TRHDE: variants seen among roughly 807,000 people sequenced by gnomAD.
TRHDE encodes thyrotropin-releasing hormone-degrading ectoenzyme.
TRHDE carries 72 observed loss-of-function variants against 125.7 expected under a neutral mutation model. The ratio of observed to expected loss-of-function variants is 0.57; its 90% confidence interval spans 0.47 to 0.70. The LOEUF is 0.70. Ranked by LOEUF, TRHDE falls within the 30% of genes least tolerant of loss-of-function variation. The pLI is 0.00. For synonymous variants in TRHDE, 509 were observed against 509.1 expected, an observed-to-expected ratio of 1.00 and a Z score of 0.00; for missense variants, 1,110 against 1,327.1, an observed-to-expected ratio of 0.84 and a Z score of 2.54.
At chr12:72,615,927 A>G (rs116723933) in intron 12 of TRHDE, among the ~76,000 whole-genome samples, 1,660 of 152,216 alleles carry the variant, frequency 0.011, 30 homozygotes, top group African/African-American at 0.038. Flanking sequence ...AACATAAAAT[A>G]GCTAATGGGA....
intron 2 of TRHDE, among the ~76,000 whole-genome samples, chr12:72,120,764 C>T (rs569844818): frequency 6.6e-5 from 10 of 151,072 alleles, no homozygotes; most frequent in East Asian, 3.9e-4. Flanking sequence ...CTGCAACCTC[C>T]GCCTCCTGGG....
chr12:72,651,098 A>G (rs1874487662), intron 15 of TRHDE, among the ~76,000 whole-genome samples: 1 of 152,138 alleles, frequency 6.6e-6, no homozygotes, highest in African/African-American at 2.4e-5. Flanking sequence ...ATCAAACAAA[A>G]TGTTTTCTAA....
At chr12:72,306,574 T>G in intron 2 of TRHDE, 1 of 152,182 alleles carries the variant, frequency 6.6e-6, no homozygotes, top group East Asian at 1.9e-4. Context: ...TAAGGATTCT[T>G]ATCTGTGTAG....
intron 2 of TRHDE, among the ~76,000 whole-genome samples, chr12:72,290,673 G>T (rs576500684): frequency 6.6e-6 from 1 of 152,184 alleles, no homozygotes; most frequent in Non-Finnish European, 1.5e-5. Flanking sequence ...TGGTGGTTGT[G>T]TCATCAGTCT....
chr12:72,356,168 G>C lies in TRHDE; in HGVS notation c.1189-21827G>C, dbSNP rs73342658. 1.4e-3 allele frequency among the ~76,000 whole-genome samples: 216 copies of C among 151,924 alleles called. 2 individuals carry two copies. Among genetic ancestry groups the C allele is most frequent in the African/African-American group, 5.1e-3 (212 of 41,520 alleles). The stretch of plus-strand genomic sequence containing the variant: ...GCCCATCAATAGTATACTGGATAGA[G>C]AGAATGTAGTACATACACACTATGG... On this transcript the variant is annotated intron_variant, in intron 2 of 18. Coordinates refer to ENST00000261180, the MANE Select transcript of TRHDE (RefSeq NM_013381.3).
In TRHDE at chr12:72,272,748, C is replaced by G. The variant is rs367943395; in HGVS notation, c.105C>G (p.Ala35=). Residue 35 remains alanine (A), a synonymous_variant, in exon 1 of 19, where the codon GCC becomes GCG. Coordinates refer to ENST00000261180, the MANE Select transcript of TRHDE (RefSeq NM_013381.3). The surrounding 1 kb of genome is among the most constrained non-coding windows in gnomAD (Gnocchi z 6.7). The part of the protein sequence containing the change: ...KKEEEEEEEG[A]EKSSSPFAAA... ...AGGAGGAGGAGGAGGAGGAGGGGGC[C>G]GAGAAGAGCAGCTCACCCTTCGCAG... The G allele has an allele frequency of 6.1e-6, 9 of 1,476,368 alleles. No individual in the cohort carries two copies. Among genetic ancestry groups the G allele is most frequent in the Non-Finnish European group, 8.1e-6 (9 of 1,111,442 alleles). 91.5% of individuals were successfully genotyped at this position (1,476,368 alleles called of 1,614,324 possible).
At chr12:72,571,417 A>C (rs1870726478) in intron 10 of TRHDE, among the ~76,000 whole-genome samples, 1 of 152,216 alleles carries the variant, frequency 6.6e-6, no homozygotes. Context: ...AGTGGTGGAT[A>C]ATATAAAGTA....
chr12:72,535,247 T>G (rs2135980176), intron 6 of TRHDE, among the ~76,000 whole-genome samples: 1 of 152,262 alleles, frequency 6.6e-6, no homozygotes, highest in African/African-American at 2.4e-5. Flanking sequence ...GTTCTAATTG[T>G]AGATACTTAG....
At chr12:72,618,671 T>G (rs559701011) in intron 12 of TRHDE, among the ~76,000 whole-genome samples, 1 of 152,268 alleles carries the variant, frequency 6.6e-6, no homozygotes, top group East Asian at 1.9e-4. Context: ...GTTCTGATGT[T>G]TTTGTATTCG....
intron 3 of TRHDE, among the ~76,000 whole-genome samples, chr12:72,445,401 A>T (rs1049862192): frequency 1.3e-5 from 2 of 151,776 alleles, no homozygotes; most frequent in African/African-American, 4.8e-5. Context: ...TCATTTTGAG[A>T]TTGATTGCTT....
chr12:72,524,212 T>C (rs1868295862), intron 6 of TRHDE, among the ~76,000 whole-genome samples: 1 of 152,140 alleles, frequency 6.6e-6, no homozygotes. Context: ...CATTTTATCC[T>C]CTCCGTAAAC....
chr12:72,519,041 G>T (rs1879036493), intron 6 of TRHDE, among the ~76,000 whole-genome samples: 1 of 152,182 alleles, frequency 6.6e-6, no homozygotes, highest in African/African-American at 2.4e-5. Context: ...GCTTCCCTTT[G>T]TGGGTAACCC....
intron 2 of TRHDE, among the ~76,000 whole-genome samples, chr12:72,187,526 G>A (rs942934736): frequency 3.3e-5 from 5 of 150,748 alleles, no homozygotes; most frequent in South Asian, 2.1e-4. Context: ...GGAGGAGGAG[G>A]AGGAGGAGGA....
intron 2 of TRHDE, among the ~76,000 whole-genome samples, chr12:72,261,959 A>G (rs1304615519): frequency 6.6e-6 from 1 of 152,192 alleles, no homozygotes; most frequent in South Asian, 2.1e-4. Flanking sequence ...AAAATTTAAT[A>G]AAGTCAGTTC....
At chr12:72,319,563 TTATCTTTCTC>T (rs1451077619) in intron 2 of TRHDE, among the ~76,000 whole-genome samples, 25 of 152,270 alleles carry the variant, frequency 1.6e-4, no homozygotes, top group East Asian at 7.7e-4. Context: ...GGTGGTAACT[TTATCTTTCTC>T]TATCTTTCTC....
At chr12:72,153,425 T>G (rs1876419530) in intron 2 of TRHDE, among the ~76,000 whole-genome samples, 1 of 152,224 alleles carries the variant, frequency 6.6e-6, no homozygotes, top group Non-Finnish European at 1.5e-5. Context: ...AGTTATTTCT[T>G]GCCTTCTGCT....
At position 72,223,926 on chromosome 12, in the gene TRHDE, C is replaced by CT. The variant is rs750916154; in HGVS notation, n.279+118185dup. Among the ~76,000 whole-genome samples, 729 of 147,090 alleles carry CT rather than the reference C, an allele frequency of 5.0e-3. 6 individuals are homozygous for CT. Among genetic ancestry groups the CT allele is most frequent in the Middle Eastern group, 0.018 (5 of 276 alleles). ...GGAACAGAACCTATCATTTTTCTTA[C>CT]TTTTTTTTTTTCTGGGCTACTCTAT... On this transcript the variant is annotated intron_variant and non_coding_transcript_variant, in intron 2 of 4. Coordinates refer to the TRHDE transcript ENST00000548156.
chr12:72,595,701 A>G (rs1394883115), intron 12 of TRHDE, among the ~76,000 whole-genome samples: 2 of 152,186 alleles, frequency 1.3e-5, no homozygotes, highest in Non-Finnish European at 2.9e-5. Flanking sequence ...GCAAGTTACT[A>G]ACTTCTCTTA....
chr12:72,342,362 T>C (rs565693158), intron 2 of TRHDE, among the ~76,000 whole-genome samples: 89 of 152,232 alleles, frequency 5.8e-4, no homozygotes, highest in African/African-American at 2.1e-3. Context: ...TCCAAACTAA[T>C]TTTCAGTATC....
Sources: allele counts gnomAD v4.1 joint callset (sites outside exome capture counted in the v4.1 genomes callset), GRCh38; gene constraint gnomAD v4.1.1; non-coding constraint Gnocchi (gnomAD v3.1); transcripts MANE v1.5; gene names NCBI Gene and HGNC (gene_info 2026-07-23, HGNC 2026-07-21).